CNTNAP4: variants seen among roughly 807,000 people sequenced by gnomAD.
The protein encoded by CNTNAP4 is contactin associated protein family member 4, also known as contactin-associated protein-like 4.
Under a neutral mutation model 148.4 loss-of-function variants are expected in CNTNAP4, and 98 were observed. The ratio of observed to expected loss-of-function variants is 0.66; its 90% CI spans 0.56 to 0.78. CNTNAP4 has a LOEUF of 0.78. Among genes scored for constraint, CNTNAP4 ranks in the 30% least tolerant of loss-of-function variants. The pLI is 0.00. For missense variants in CNTNAP4, 1,935 were observed against 1,565.6 expected (o/e 1.24, Z -3.98); for synonymous variants, 730 against 565.1 (o/e 1.29, Z -4.14).
At chr16:76,443,659 T>G (rs1597558145) in intron 4 of CNTNAP4, among the ~76,000 whole-genome samples, 1 of 152,318 alleles carries the variant, frequency 6.6e-6, no homozygotes, top group East Asian at 1.9e-4. Context: ...TTAATTTAAA[T>G]ATTAATTTTA....
chr16:76,446,064 C>G (rs1374949203), intron 4 of CNTNAP4, among the ~76,000 whole-genome samples: 1 of 138,994 alleles, frequency 7.2e-6, no homozygotes, highest in Non-Finnish European at 1.5e-5. Flanking sequence ...AATGAATTCT[C>G]TATAAGCACA....
chr16:76,388,343 A>C (rs59313861), intron 3 of CNTNAP4, among the ~76,000 whole-genome samples: 3,755 of 152,310 alleles, frequency 0.025, 137 homozygotes, highest in African/African-American at 0.086. Flanking sequence ...AAAACAAACA[A>C]ATAAAAAACA....
At chr16:76,292,239 C>T (rs989751396) in intron 1 of CNTNAP4, among the ~76,000 whole-genome samples, 5 of 152,122 alleles carry the variant, frequency 3.3e-5, no homozygotes, top group Non-Finnish European at 5.9e-5. Context: ...AGAAATGTAA[C>T]GTTACCACTG....
Position 76,540,778 on chromosome 16 carries a change from G to A in CNTNAP4, c.3430G>A (p.Gly1144Ser). Residue 1144 changes from glycine (G) to serine (S), a missense_variant, in exon 21 of 24, where the codon GGC becomes AGC. Coordinates refer to ENST00000611870, the MANE Select transcript of CNTNAP4 (RefSeq NM_033401.5). The part of the protein sequence containing the change: ...EFSAVKSLVL[G>S]RILEHSDVDQ... ...CAGTGCAGTCAAATCTCTGGTATTG[G>A]GCAGGATTTTAGGTAAGTGAAAGAA... The A allele has an allele frequency of 1.3e-6, 2 of 1,566,196 alleles. No homozygotes were observed. The highest frequency in any genetic ancestry group is 1.9e-5 in the Admixed American group (1 of 53,950).
chr16:76,522,010 A>G (rs375167609), intron 16 of CNTNAP4, 29 bp from the exon 17 acceptor site: 7 of 1,605,066 alleles, frequency 4.4e-6, no homozygotes, highest in African/African-American at 4.0e-5. Flanking sequence ...GGAACTCACT[A>G]GAACAATCTT....
chr16:76,535,872 A>T, intron 18 of CNTNAP4, 88 bp downstream of exon 18: 1 of 1,433,190 alleles, frequency 7.0e-7, no homozygotes, highest in Non-Finnish European at 9.3e-7. Context: ...GCTATTTGAA[A>T]CAAAAAAAAT....
At chr16:76,427,106 A>AG (rs2079431884) in intron 3 of CNTNAP4, among the ~76,000 whole-genome samples, 1 of 152,146 alleles carries the variant, frequency 6.6e-6, no homozygotes, top group African/African-American at 2.4e-5. Context: ...ATATTTTCTC[A>AG]ATTTTTTTGG....
At chr16:76,413,833 A>T (rs1207191923) in intron 3 of CNTNAP4, among the ~76,000 whole-genome samples, 5 of 151,408 alleles carry the variant, frequency 3.3e-5, no homozygotes, top group African/African-American at 1.2e-4. Flanking sequence ...TTACAGTTAA[A>T]TAATATAGTT....
intron 1 of CNTNAP4, among the ~76,000 whole-genome samples, chr16:76,300,513 G>A (rs781580923): frequency 5.3e-5 from 8 of 152,058 alleles, no homozygotes; most frequent in African/African-American, 2.4e-5. Flanking sequence ...AAACCTGCAC[G>A]TTTTGCACAT....
chr16:76,544,289 G>A (rs769768955), intron 21 of CNTNAP4, among the ~76,000 whole-genome samples: 7 of 151,612 alleles, frequency 4.6e-5, no homozygotes, highest in Non-Finnish European at 7.4e-5. Context: ...GCTTTTTCAG[G>A]TGGAAAAAGA....
At chr16:76,441,371 A>G (rs767727482) in intron 4 of CNTNAP4, among the ~76,000 whole-genome samples, 3 of 152,184 alleles carry the variant, frequency 2.0e-5, no homozygotes, top group Non-Finnish European at 4.4e-5. Context: ...AATATTTTCT[A>G]TTGCAAAGCT....
chr16:76,480,228 A>G (rs964913787), intron 12 of CNTNAP4, among the ~76,000 whole-genome samples: 7 of 152,192 alleles, frequency 4.6e-5, no homozygotes, highest in Non-Finnish European at 1.0e-4. Context: ...AAAATACTCT[A>G]AACAATTTAC....
intron 17 of CNTNAP4, among the ~76,000 whole-genome samples, chr16:76,527,899 G>C (rs1283187643): frequency 6.6e-6 from 1 of 152,062 alleles, no homozygotes; most frequent in Non-Finnish European, 1.5e-5. Flanking sequence ...TGGAAACACT[G>C]TTTTTATAAT....
intron 15 of CNTNAP4, among the ~76,000 whole-genome samples, chr16:76,500,623 TG>T (rs1355793147): frequency 2.0e-5 from 3 of 151,026 alleles, no homozygotes; most frequent in East Asian, 3.9e-4. Context: ...AGTTTGTGTG[TG>T]TGTGTGTGTG....
At chr16:76,486,452 G>A (rs1051518955) in intron 12 of CNTNAP4, among the ~76,000 whole-genome samples, 2 of 152,164 alleles carry the variant, frequency 1.3e-5, no homozygotes, top group African/African-American at 2.4e-5. Context: ...ATCCATGGTG[G>A]AGGAGGGAAG....
intron 3 of CNTNAP4, among the ~76,000 whole-genome samples, chr16:76,392,153 C>T (rs1462569609): frequency 2.0e-5 from 3 of 152,090 alleles, no homozygotes; most frequent in African/African-American, 7.2e-5. Context: ...GCCACCACAC[C>T]CAGCTAATTT....
chr16:76,407,195 T>C (rs1008296045), intron 3 of CNTNAP4, among the ~76,000 whole-genome samples: 17 of 152,106 alleles, frequency 1.1e-4, no homozygotes, highest in African/African-American at 4.1e-4. Flanking sequence ...TGACAGCACA[T>C]CTGTTTGCAA....
chr16:76,541,759 T>C (rs2084466214), intron 21 of CNTNAP4, among the ~76,000 whole-genome samples: 1 of 152,242 alleles, frequency 6.6e-6, no homozygotes, highest in South Asian at 2.1e-4. Flanking sequence ...TTACAGGCTT[T>C]CAAGTGCTAT....
At chr16:76,404,669 G>A (rs7206342) in intron 3 of CNTNAP4, among the ~76,000 whole-genome samples, 1 of 151,790 alleles carries the variant, frequency 6.6e-6, no homozygotes, top group African/African-American at 2.4e-5. Flanking sequence ...AAACAACTTT[G>A]TGAGCATGCA....
Sources: gnomAD v4.1 joint callset for allele counts (sites outside exome capture counted in the v4.1 genomes callset) on GRCh38, gnomAD v4.1.1 for gene constraint, MANE v1.5 for transcripts, NCBI Gene and HGNC (gene_info 2026-07-23, HGNC 2026-07-21) for gene names.